Variants in LY75 observed in about 807,000 individuals in gnomAD.
LY75 encodes the protein C-type lectin domain family 13 member B.
In LY75, 185 loss-of-function variants were observed where a neutral mutation model predicts 231.7. The ratio of observed to expected loss-of-function variants is 0.80; its 90% confidence interval spans 0.71 to 0.90. The LOEUF (loss-of-function observed/expected upper bound fraction) is 0.90, where lower values mean the gene tolerates loss of function less well. Ranked by LOEUF, LY75 falls within the 40% of genes least tolerant of loss-of-function variation. LY75 has a pLI of 0.00. For synonymous variants in LY75, 668 were observed against 689.0 expected (o/e 0.97, Z 0.48); for missense variants, 1,947 against 2,050.2 (o/e 0.95, Z 0.97).
chr2:159,858,190 C>G (rs1375608260), intron 16 of LY75, among the ~76,000 whole-genome samples, 172 bp downstream of exon 16: 3 of 152,126 alleles, frequency 2.0e-5, no homozygotes, highest in Non-Finnish European at 4.4e-5. Flanking sequence ...AATAAGCTAG[C>G]CTTCTATTAG....
intron 25 of LY75, among the ~76,000 whole-genome samples, chr2:159,836,920 C>T (rs1278989392): frequency 6.6e-6 from 1 of 152,206 alleles, no homozygotes; most frequent in Non-Finnish European, 1.5e-5. Flanking sequence ...TCATCCCACA[C>T]CTTTTATCTT....
intron 1 of LY75, among the ~76,000 whole-genome samples, chr2:159,900,315 A>G (rs1686036793): frequency 6.6e-6 from 1 of 152,248 alleles, no homozygotes; most frequent in Non-Finnish European, 1.5e-5. Context: ...TAAGATTCAC[A>G]TCTGTTACAA....
chr2:159,807,944 T>G, intron 33 of LY75: 1 of 972,176 alleles, frequency 1.0e-6, no homozygotes, highest in Non-Finnish European at 1.2e-6. Context: ...CTGCAATTAC[T>G]TTCACACCAA....
intron 25 of LY75, among the ~76,000 whole-genome samples, chr2:159,836,821 T>C (rs182284368): frequency 1.3e-5 from 2 of 152,344 alleles, no homozygotes; most frequent in East Asian, 3.9e-4. Context: ...CTGCACTCAT[T>C]CAGACTGCCC....
intron 11 of LY75, among the ~76,000 whole-genome samples, chr2:159,877,743 C>T (rs1574584624): frequency 6.6e-6 from 1 of 152,016 alleles, no homozygotes; most frequent in Non-Finnish European, 1.5e-5. Context: ...TTGGCATGCA[C>T]CTGTAATCCC....
chr2:159,875,633 GC>G lies in LY75; in HGVS notation c.1784del (p.Gly595AlafsTer17). 1 of 1,613,670 alleles carries G rather than the reference GC, an allele frequency of 6.2e-7. No homozygotes were observed. Among genetic ancestry groups the G allele is most frequent in the Non-Finnish European group, 8.5e-7 (1 of 1,179,878 alleles). On this transcript the variant is annotated frameshift_variant, in exon 12 of 35. Transcript: ENST00000263636. LOFTEE classifies it high-confidence loss of function. ...TTCCAGTAGACATAGCCACGCAGCC[GC>G]CCGGGGAAGCTGGGATTGAAGTGGA... ...NWNFLEPASP[G>X]GCVAMSTGKS...
At chr2:159,864,764 A>G (rs1684809624) in intron 14 of LY75, 75 bp downstream of exon 14, 3 of 1,373,822 alleles carry the variant, frequency 2.2e-6, no homozygotes, top group Non-Finnish European at 2.9e-6. Context: ...GTGTCAATGT[A>G]TTATTTAACA....
chr2:159,836,745 A>T (rs1466641207), intron 25 of LY75, among the ~76,000 whole-genome samples: 2 of 152,142 alleles, frequency 1.3e-5, no homozygotes, highest in Non-Finnish European at 2.9e-5. Context: ...CTAGCCCCTA[A>T]CCTAACCCAG....
At chr2:159,813,008 T>A (rs979788949) in intron 31 of LY75, among the ~76,000 whole-genome samples, 9 of 152,242 alleles carry the variant, frequency 5.9e-5, no homozygotes, top group Non-Finnish European at 2.9e-5. Flanking sequence ...TTCATCTGTG[T>A]TGCAGCATGC....
At chr2:159,814,179 C>T (rs762294372) in intron 31 of LY75, among the ~76,000 whole-genome samples, 1 of 152,196 alleles carries the variant, frequency 6.6e-6, no homozygotes, top group Non-Finnish European at 1.5e-5. Flanking sequence ...CCTCTGCAGT[C>T]CCCGGTAGTT....
chr2:159,832,368 G>A (rs915258313), intron 27 of LY75, among the ~76,000 whole-genome samples: 5 of 152,176 alleles, frequency 3.3e-5, no homozygotes, highest in Admixed American at 6.5e-5. Context: ...CTATGCATGC[G>A]AGGGATATAG....
At position 159,874,120 on chromosome 2, in the gene LY75, T is replaced by C. The variant is rs189789757; in HGVS notation, c.1974+1324A>G. Among the ~76,000 whole-genome samples, 84 of 131,310 alleles carry C rather than the reference T, an allele frequency of 6.4e-4. 5 individuals carry two copies. The highest frequency in any genetic ancestry group is 2.3e-3 in the African/African-American group (78 of 34,310). The allele number at this position is 131,310 out of a possible 152,430, so 86.1% of individuals were successfully genotyped here. Reference sequence around the variant, plus strand: ...GTAAATATATAAACGTATATATATTTTGTAAATATATAAACGTATATATAT... The same window carrying C: ...GTAAATATATAAACGTATATATATTCTGTAAATATATAAACGTATATATAT... On this transcript the variant is annotated intron_variant, in intron 12 of 34. Transcript: ENST00000263636.
Position 159,875,795 on chromosome 2 carries a change from T to C in LY75, c.1775-152A>G, listed in dbSNP as rs961472093. 42 of 950,734 alleles carry C rather than the reference T, an allele frequency of 4.4e-5. No homozygotes were observed. In the African/African-American group the frequency reaches 6.1e-4, roughly 14 times the overall value. The allele number at this position is 950,734 out of a possible 1,614,324, so 58.9% of individuals were successfully genotyped here. On this transcript the variant is annotated intron_variant, in intron 11 of 34. Coordinates refer to ENST00000263636, the MANE Select transcript of LY75 (RefSeq NM_002349.4). ...GAAAGAAATATGTTGTTCAGAATAA[T>C]AATGACAGGTGTTTATTATTTGTAA...
chr2:159,902,822 T>C (rs1188693264), intron 1 of LY75: 1 of 152,152 alleles, frequency 6.6e-6, no homozygotes, highest in Non-Finnish European at 1.5e-5. Flanking sequence ...GAGTCCCTGA[T>C]GGATTGGTTT....
At position 159,871,331 on chromosome 2, in the gene LY75, T is replaced by G. The variant is rs528133938; in HGVS notation, c.2117+1120A>C. 5.3e-5 allele frequency among the ~76,000 whole-genome samples: 8 copies of G among 151,882 alleles called. No individual in the cohort carries two copies. The East Asian group carries it at 1.5e-3, about 29-fold the overall frequency. ...CATAACATAAGCAAGTGAAGTGGGG[T>G]CAAGAAGTAATAAATTAGAGACCTG... On this transcript the variant is annotated intron_variant, in intron 13 of 34. Transcript: ENST00000263636.
At chr2:159,815,694 T>TG in intron 30 of LY75, 121 bp from the exon 31 acceptor site, 1 of 1,260,926 alleles carries the variant, frequency 7.9e-7, no homozygotes, top group African/African-American at 1.5e-5. Flanking sequence ...GCTTACAGTA[T>TG]TGTAGGTCTG....
chr2:159,854,957 C>A lies in LY75; in HGVS notation c.2384-18G>T. 6.2e-7 allele frequency: 1 copy of A among 1,613,606 alleles called. No homozygotes were observed. The highest frequency in any genetic ancestry group is 8.5e-7 in the Non-Finnish European group (1 of 1,179,758). ...AGTACGGCCTGTATGAGGAAGAAAG[C>A]AAGTGGCATTAGTATTCCATGACAG... On this transcript the variant is annotated intron_variant, in intron 16 of 34. Transcript: ENST00000263636.
rs909163345 is a variant in LY75, at chr2:159,878,857, T to G, written c.1516-136A>C. ...GACATGGCTATTGAAATCATACATG[T>G]GATGAGGGTGGGATGCAATTTCACA... On this transcript the variant is annotated intron_variant, in intron 9 of 34. Coordinates refer to ENST00000263636, the MANE Select transcript of LY75 (RefSeq NM_002349.4). 1.1e-5 allele frequency: 10 copies of G among 931,068 alleles called. No individual in the cohort carries two copies. The African/African-American group carries it at 1.7e-4, about 15-fold the overall frequency. 57.7% of individuals were successfully genotyped at this position (931,068 alleles called of 1,614,324 possible).
chr2:159,899,198 A>G, intron 1 of LY75, 139 bp from the exon 2 acceptor site: 1 of 1,461,278 alleles, frequency 6.8e-7, no homozygotes, highest in Non-Finnish European at 9.1e-7. Context: ...AGGGGACTAC[A>G]AAAGGTGGGA....
Sources: gnomAD v4.1 joint callset for allele counts (sites outside exome capture counted in the v4.1 genomes callset) on GRCh38, gnomAD v4.1.1 for gene constraint, MANE v1.5 for transcripts, NCBI Gene and HGNC (gene_info 2026-07-23, HGNC 2026-07-21) for gene names.